The following IRS4 variants were observed in gnomAD, a reference collection of about 807,000 sequenced individuals.
IRS4 encodes the protein insulin receptor substrate 4.
In IRS4, 15 loss-of-function variants were observed where a neutral mutation model predicts 48.6. The observed-to-expected ratio is 0.31, with a 90% confidence interval of 0.21 to 0.48. IRS4 has a LOEUF of 0.48. Among genes scored for constraint, IRS4 ranks in the 20% least tolerant of loss-of-function variants. IRS4 has a pLI of 0.99. For missense variants in IRS4, 987 were observed against 1,023.4 expected (o/e 0.96, Z 0.49); for synonymous variants, 459 against 413.2 (o/e 1.11, Z -1.34).
chrX:108,735,852 G>A lies in IRS4; in HGVS notation c.493C>T (p.Arg165Ter). 1 of 1,209,093 alleles carries A rather than the reference G, an allele frequency of 8.3e-7. No individual in the cohort carries two copies. Among genetic ancestry groups the A allele is most frequent in the Non-Finnish European group, 1.1e-6 (1 of 894,123 alleles). ...TGGGTGAAAAGAGCAATGAGGTGTC[G>A]GTACCTTGCATCTGCTCGCTGGCTC... Reference protein sequence around the residue: ...SVSQRADARYRHLIALFTQDE... With the variant: ...SVSQRADARY Residue 165 changes from arginine to a stop codon, truncating the protein, a stop_gained, in exon 1 of 2, where the codon CGA becomes TGA. Transcript: ENST00000372129. LOFTEE classifies it high-confidence loss of function.
In IRS4 at chrX:108,722,335, T is replaced by C. The variant is rs1328095812; in HGVS notation, c.*184A>G. On this transcript the variant is annotated 3_prime_UTR_variant, in exon 2 of 2. Coordinates refer to ENST00000372129, the MANE Select transcript of IRS4 (RefSeq NM_001379150.1). Reference sequence around the variant, plus strand: ...ATCACTGGATCCATAAGCAGCAGTATGAATGATCTGCATGAATAGGATCAT... The same window carrying C: ...ATCACTGGATCCATAAGCAGCAGTACGAATGATCTGCATGAATAGGATCAT... 1 of 225,509 alleles carries C rather than the reference T, an allele frequency of 4.4e-6. No individual in the cohort carries two copies. The highest frequency in any genetic ancestry group is 8.4e-6 in the Non-Finnish European group (1 of 118,790). 18.6% of individuals were successfully genotyped at this position (225,509 alleles called of 1,213,427 possible). A position where few individuals can be genotyped will look rare whatever the true frequency, so the allele number is the denominator to read the frequency against.
intron 1 of IRS4, among the ~76,000 whole-genome samples, chrX:108,725,710 G>A (rs1335350842): frequency 9.0e-6 from 1 of 111,512 alleles, no homozygotes; most frequent in African/African-American, 3.3e-5. Context: ...AGTAATAATC[G>A]CTGCTAGTCT....
rs1166380681 is a variant in IRS4 at position 108,733,422 on chromosome X, G to A, written c.2923C>T (p.Leu975Phe). 8 of 1,211,490 alleles carry A rather than the reference G, an allele frequency of 6.6e-6. No individual in the cohort carries two copies. Among genetic ancestry groups the A allele is most frequent in the Non-Finnish European group, 8.9e-6 (8 of 895,375 alleles). ...GGTATAGCTCTTAAAAGATCTGAGA[G>A]GTCGTTTGCTGGATTTGGAAATGGC... ...GVPFPNPAND[L>F]SDLLRAIPRA... The change falls in exon 1 of 2, where the codon CTC (leucine) becomes TTC (phenylalanine). Residue 975 changes from leucine (L) to phenylalanine (F), a missense_variant. Coordinates refer to ENST00000372129, the MANE Select transcript of IRS4 (RefSeq NM_001379150.1).
Position 108,734,645 on chromosome X carries a change from C to T in IRS4, c.1700G>A (p.Gly567Glu), listed in dbSNP as rs1204920045. 2 of 1,211,485 alleles carry T rather than the reference C, an allele frequency of 1.7e-6. No individual in the cohort carries two copies. The highest frequency in any genetic ancestry group is 1.8e-5 in the South Asian group (1 of 56,949). The change falls in exon 1 of 2, where the codon GGG (glycine) becomes GAG (glutamate). Residue 567 changes from glycine to glutamate, a missense_variant. By Grantham distance (98) the Gly-to-Glu change is moderately conservative. Coordinates refer to ENST00000372129, the MANE Select transcript of IRS4 (RefSeq NM_001379150.1). ...TCCCTGGCCACCACCTGAGCCATGC[C>T]CACCTCCAGGTCTCTGGCCACCACC... ...GSGGGQRPGGGHGSGGGQGPG... is the reference protein window; with the variant it reads ...GSGGGQRPGGEHGSGGGQGPG...
Position 108,735,785 on chromosome X carries a change from T to C in IRS4, c.560A>G (p.Gln187Arg). 1 of 1,208,980 alleles carries C rather than the reference T, an allele frequency of 8.3e-7. No individual in the cohort carries two copies. Among genetic ancestry groups the C allele is most frequent in the Non-Finnish European group, 1.1e-6 (1 of 894,516 alleles). The change falls in exon 1 of 2, where the codon CAG becomes CGG. Residue 187 changes from glutamine to arginine, a missense_variant. By Grantham distance (43) the Gln-to-Arg change is conservative (BLOSUM62 1). Coordinates refer to ENST00000372129, the MANE Select transcript of IRS4 (RefSeq NM_001379150.1). ...GCTGAGCAGCAAGTACCAGCTTTCC[T>C]GCTCCGACTCGTTCTCGGCCACCAT... is the stretch of plus-strand genomic sequence containing the variant. ...FAMVAENESE[Q>R]ESWYLLLSRL...
Position 108,736,293 on chromosome X carries a change from C to T in IRS4, c.52G>A (p.Ala18Thr). Residue 18 changes from alanine (A) to threonine (T), a missense_variant, in exon 1 of 2, where the codon GCA becomes ACA. Ala to Thr is a moderately conservative substitution (Grantham distance 58). Around this residue, in one of 4 missense-constraint regions of IRS4, gnomAD observed 173 missense variants for 208.9 expected, o/e 0.83. Coordinates refer to ENST00000372129, the MANE Select transcript of IRS4 (RefSeq NM_001379150.1). Reference sequence around the variant, plus strand: ...AGAGCTGCCGCTGCCGCCGCTGCTGCACCTCTTAGTCTTCTTGTCGCTTGG... The same window carrying T: ...AGAGCTGCCGCTGCCGCCGCTGCTGTACCTCTTAGTCTTCTTGTCGCTTGG... ...RDQATRRLRG[A>T]AAAAAAALAA... is the part of the protein sequence containing the mutation. 1 of 1,209,789 alleles carries T rather than the reference C, an allele frequency of 8.3e-7. No individual in the cohort carries two copies. The highest frequency in any genetic ancestry group is 3.0e-5 in the East Asian group (1 of 33,698).
rs1441042932 is a variant in IRS4, at chrX:108,736,323, G to A, written c.22C>T (p.Arg8Cys). Residue 8 changes from arginine to cysteine, a missense_variant, in exon 1 of 2, where the codon CGC becomes TGC. Transcript: ENST00000372129. MASCSFT[R>C]DQATRRLRGA... ...CTTAGTCTTCTTGTCGCTTGGTCGC[G>A]AGTGAAGGAGCAACTCGCCATGGTG... The A allele has an allele frequency of 1.7e-6, 2 of 1,209,493 alleles. No individual in the cohort carries two copies. Among genetic ancestry groups the A allele is most frequent in the African/African-American group, 1.7e-5 (1 of 57,145 alleles).
rs1222351248 is a variant in IRS4 at position 108,732,586 on chromosome X, G to A, written c.3759C>T (p.Pro1253=). 2 of 1,208,682 alleles carry A rather than the reference G, an allele frequency of 1.7e-6. No individual in the cohort carries two copies. Among genetic ancestry groups the A allele is most frequent in the Non-Finnish European group, 2.2e-6 (2 of 894,110 alleles). The change falls in exon 1 of 2, where the codon CCC becomes CCT. Residue 1253 remains proline (P), a synonymous_variant. Coordinates refer to ENST00000372129, the MANE Select transcript of IRS4 (RefSeq NM_001379150.1). ...AATTCTAAAATTACCGACCTCTTTT[G>A]GGAGAGTCGAACTGATTATCACGTC... ...FARRDNQFDS[P]KRE
In IRS4 at chrX:108,733,599, C is replaced by T; in HGVS notation, c.2746G>A (p.Asp916Asn). 8.2e-7 allele frequency: 1 copy of T among 1,212,144 alleles called. No individual in the cohort carries two copies. Among genetic ancestry groups the T allele is most frequent in the Non-Finnish European group, 1.1e-6 (1 of 895,631 alleles). The change falls in exon 1 of 2, where the codon GAC becomes AAC. Residue 916 changes from aspartate to asparagine, a missense_variant. Transcript: ENST00000372129. ...QKPTHEQREA[D>N]SSSDYVNMDF... The stretch of plus-strand genomic sequence containing the variant: ...ATGTTGACGTAGTCACTAGAGCTGT[C>T]AGCTTCTCTCTGCTCATGTGTGGGC...
At position 108,734,692 on chromosome X, in the gene IRS4, G is replaced by C. The variant is rs762576294; in HGVS notation, c.1653C>G (p.Gly551=). The C allele has an allele frequency of 1.7e-6, 2 of 1,208,131 alleles. No homozygotes were observed. The highest frequency in any genetic ancestry group is 3.5e-5 in the South Asian group (2 of 56,653). The change falls in exon 1 of 2, where the codon GGC becomes GGG. Residue 551 remains glycine (G), a synonymous_variant. Coordinates refer to ENST00000372129, the MANE Select transcript of IRS4 (RefSeq NM_001379150.1). ...CACCTGAACCGTGCCCACCTGCGGT[G>C]CCCTGGCCATCTCTAGAGCACTGGT... ...GGNQCSRDGQ[G]TAGGHGSGGG...
Position 108,734,581 on chromosome X carries a change from A to T in IRS4, c.1764T>A (p.Ser588=), listed in dbSNP as rs781542047. 8.3e-7 allele frequency: 1 copy of T among 1,210,893 alleles called. No individual in the cohort carries two copies. The highest frequency in any genetic ancestry group is 3.0e-5 in the East Asian group (1 of 33,796). Residue 588 remains serine, a synonymous_variant, in exon 1 of 2, where the codon TCT becomes TCA. Coordinates refer to ENST00000372129, the MANE Select transcript of IRS4 (RefSeq NM_001379150.1). ...DGHGSGGGKN[S]GGGKGSGSGK... ...CACTTCCTGAGCCTTTGCCCCCCCC[A>T]GAGTTCTTGCCACCACCTGAGCCAT...
In IRS4 at chrX:108,720,674, G is replaced by T. The variant is rs1010387150; in HGVS notation, c.*1845C>A. On this transcript the variant is annotated 3_prime_UTR_variant, in exon 2 of 2. Coordinates refer to ENST00000372129, the MANE Select transcript of IRS4 (RefSeq NM_001379150.1). Reference sequence around the variant, plus strand: ...ATGGTGACAGAAGGCTTGAAAAAAAGTTGCCTAAAGAGCGCGTTGTTATAA... The same window carrying T: ...ATGGTGACAGAAGGCTTGAAAAAAATTTGCCTAAAGAGCGCGTTGTTATAA... The T allele has an allele frequency of 1.8e-5, 2 of 111,818 alleles. No individual in the cohort carries two copies. Among genetic ancestry groups the T allele is most frequent in the African/African-American group, 6.5e-5 (2 of 30,754 alleles). 9.2% of individuals were successfully genotyped at this position (111,818 alleles called of 1,213,427 possible). A position where few individuals can be genotyped will look rare whatever the true frequency, so the allele number is the denominator to read the frequency against.
In IRS4 at chrX:108,735,943, A is replaced by T; in HGVS notation, c.402T>A (p.Ser134=). 8.3e-7 allele frequency: 1 copy of T among 1,203,018 alleles called. No homozygotes were observed. The change falls in exon 1 of 2, where the codon TCT becomes TCA. Residue 134 remains serine, a synonymous_variant. Coordinates refer to ENST00000372129, the MANE Select transcript of IRS4 (RefSeq NM_001379150.1). ...AAAAAAAAAA[S]GAAIPPLIPP... is the part of the protein sequence containing the mutation. ...GAATGAGCGGGGGGATCGCGGCGCC[A>T]GAGGCGGCCGCCGCTGCTGCAGCCG...
intron 1 of IRS4, chrX:108,723,830 G>A (rs1268642018): frequency 1.8e-5 from 2 of 111,974 alleles, no homozygotes; most frequent in African/African-American, 6.5e-5. Flanking sequence ...TACATTTTAT[G>A]TATCTAGTTC....
In IRS4 at chrX:108,734,078, G is replaced by A. The variant is rs1463218144; in HGVS notation, c.2267C>T (p.Pro756Leu). 5.8e-6 allele frequency: 7 copies of A among 1,211,678 alleles called. No individual in the cohort carries two copies. The South Asian group carries it at 7.0e-5, about 12-fold the overall frequency. ...MFPRVSPPPA[P>L]SPPKAPDTNK... Reference sequence around the variant, plus strand: ...AGTATCAGGTGCTTTTGGAGGACTCGGAGCAGGTGGTGGGCTCACTCTGGG... The same window carrying A: ...AGTATCAGGTGCTTTTGGAGGACTCAGAGCAGGTGGTGGGCTCACTCTGGG... Residue 756 changes from proline (P) to leucine (L), a missense_variant, in exon 1 of 2, where the codon CCG becomes CTG. Pro to Leu is a moderately conservative substitution (Grantham distance 98). This residue lies in a region of IRS4 where 720 missense variants were observed against 660.3 expected (regional missense o/e 1.09). Coordinates refer to ENST00000372129, the MANE Select transcript of IRS4 (RefSeq NM_001379150.1).
rs1432090909 is a variant in IRS4 at position 108,734,989 on chromosome X, A to G, written c.1356T>C (p.Asn452=). ...RPRHPAEAPN[N]GARLSSEVSG... ...ACACTTCAGAAGACAGGCGAGCTCC[A>G]TTGTTCGGGGCTTCTGCAGGGTGCC... Residue 452 remains asparagine, a synonymous_variant, in exon 1 of 2, where the codon AAT becomes AAC. Transcript: ENST00000372129. The G allele has an allele frequency of 1.7e-6, 2 of 1,211,840 alleles. No individual in the cohort carries two copies. The highest frequency in any genetic ancestry group is 2.2e-5 in the Admixed American group (1 of 46,053).
chrX:108,723,151 G>A (rs1273058611), intron 1 of IRS4: 1 of 111,587 alleles, frequency 9.0e-6, no homozygotes, highest in Non-Finnish European at 1.9e-5. Flanking sequence ...GACCAGAGAA[G>A]GGATAGGAAT....
chrX:108,733,013 T>C lies in IRS4; in HGVS notation c.3332A>G (p.Asp1111Gly), dbSNP rs1365557278. 1 of 1,209,945 alleles carries C rather than the reference T, an allele frequency of 8.3e-7. No homozygotes were observed. Among genetic ancestry groups the C allele is most frequent in the Non-Finnish European group, 1.1e-6 (1 of 894,498 alleles). ...AGCCGGGGCTGAGGATGGGGAAAGG[T>C]CTCTCTCGAGGCTGTCTGTTGGAAA... The part of the protein sequence containing the change: ...SAFPTDSLER[D>G]LSPSSAPAVA... The change falls in exon 1 of 2, where the codon GAC (aspartate) becomes GGC (glycine). Residue 1111 changes from aspartate to glycine, a missense_variant. By Grantham distance (94) the Asp-to-Gly change is moderately conservative (BLOSUM62 -1). Around this residue, in one of 4 missense-constraint regions of IRS4, gnomAD observed 720 missense variants for 660.3 expected, o/e 1.09. Transcript: ENST00000372129.
rs1319191661 is a variant in IRS4, at chrX:108,736,249, G to T, written c.96C>A (p.Thr32=). 4 of 1,208,817 alleles carry T rather than the reference G, an allele frequency of 3.3e-6. No homozygotes were observed. Among genetic ancestry groups the T allele is most frequent in the South Asian group, 1.8e-5 (1 of 56,781 alleles). ...AAAALAAVVT[T]PLLSSGTPTA... ...TCGGGGTTCCCGAGGAAAGAAGCGGGGTGGTCACCACTGCTGCTAGAGCTG... is the reference window on the plus strand; with the variant it reads ...TCGGGGTTCCCGAGGAAAGAAGCGGTGTGGTCACCACTGCTGCTAGAGCTG... Residue 32 remains threonine, a synonymous_variant, in exon 1 of 2, where the codon ACC becomes ACA. Coordinates refer to ENST00000372129, the MANE Select transcript of IRS4 (RefSeq NM_001379150.1).
Sources: gnomAD v4.1 joint callset for allele counts (sites outside exome capture counted in the v4.1 genomes callset) on GRCh38, gnomAD v4.1.1 for gene constraint, gnomAD v4.1.1 regional missense constraint, MANE v1.5 for transcripts, NCBI Gene and HGNC (gene_info 2026-07-23, HGNC 2026-07-21) for gene names.